Variants in PIK3C2B observed in about 807,000 individuals in gnomAD.
The protein encoded by PIK3C2B is phosphatidylinositol 4-phosphate 3-kinase C2 domain-containing subunit beta.
In PIK3C2B, 83 loss-of-function variants were observed where a neutral mutation model predicts 184.3. That is an observed-to-expected ratio of 0.45 (90% CI 0.38 to 0.54). PIK3C2B has a LOEUF of 0.54. Among genes scored for constraint, PIK3C2B ranks in the 20% least tolerant of loss-of-function variants. PIK3C2B has a pLI of 0.00. For synonymous variants in PIK3C2B, 779 were observed against 837.6 expected (o/e 0.93, Z 1.21); for missense variants, 1,736 against 2,113.5 (o/e 0.82, Z 3.50).
chr1:204,480,786 G>A (rs922357194), intron 1 of PIK3C2B, among the ~76,000 whole-genome samples: 11 of 151,944 alleles, frequency 7.2e-5, no homozygotes, highest in African/African-American at 2.7e-4. Context: ...ATGGGAACCG[G>A]CTAAGGCGCC....
chr1:204,433,831 G>A lies in PIK3C2B; in HGVS notation c.3805C>T (p.Arg1269Cys), dbSNP rs777242962. Reference sequence around the variant, plus strand: ...TTGAGGAAGAGGTGGGTGTGCTTGCGAATGAGGTTGTAGGCTTGGCAGCAA... The same window carrying A: ...TTGAGGAAGAGGTGGGTGTGCTTGCAAATGAGGTTGTAGGCTTGGCAGCAA... ...DLCCQAYNLI[R>C]KHTHLFLNLL... The change falls in exon 25 of 33, where the codon CGC (arginine) becomes TGC (cysteine). Residue 1269 changes from arginine (R) to cysteine (C), a missense_variant. This residue lies in a region of PIK3C2B where 119 missense variants were observed against 179.3 expected (regional missense o/e 0.66). Coordinates refer to ENST00000684373, the MANE Select transcript of PIK3C2B (RefSeq NM_001377334.1). The surrounding 1 kb of genome is among the most constrained non-coding windows in gnomAD (Gnocchi z 5.0). 3.1e-6 allele frequency: 5 copies of A among 1,614,070 alleles called. No homozygotes were observed. The highest frequency in any genetic ancestry group is 3.4e-6 in the Non-Finnish European group (4 of 1,180,018).
At chr1:204,467,190 G>A (rs780978518) in intron 2 of PIK3C2B, 1 of 305,216 alleles carries the variant, frequency 3.3e-6, no homozygotes. Flanking sequence ...AGTGACAGAG[G>A]TGACCACCTA....
At chr1:204,481,071 C>T (rs987880340) in intron 1 of PIK3C2B, among the ~76,000 whole-genome samples, 3 of 151,828 alleles carry the variant, frequency 2.0e-5, no homozygotes, top group African/African-American at 7.3e-5. Flanking sequence ...ATACTTTTCC[C>T]CCTGCACCCC....
chr1:204,425,189 G>A (rs1312911109), intron 32 of PIK3C2B, 149 bp from the exon 33 acceptor site: 1 of 635,834 alleles, frequency 1.6e-6, no homozygotes, highest in East Asian at 2.7e-5. Flanking sequence ...AATACAGAAG[G>A]CACACAAGGT....
In PIK3C2B at chr1:204,440,310, G is replaced by T. The variant is rs1455657054; in HGVS notation, c.3261C>A (p.Asp1087Glu). ...GCAGCGTTAGCATGTCCTGGCGAAG[G>T]TCGTCCCCACACTGGATGGAGGGAG... ...NIRVIFKCGD[D>E]LRQDMLTLQM... The change falls in exon 22 of 33, where the codon GAC becomes GAA. Residue 1087 changes from aspartate to glutamate, a missense_variant. Coordinates refer to ENST00000684373, the MANE Select transcript of PIK3C2B (RefSeq NM_001377334.1). 6.3e-7 allele frequency: 1 copy of T among 1,597,718 alleles called. No individual in the cohort carries two copies. Among genetic ancestry groups the T allele is most frequent in the Non-Finnish European group, 8.5e-7 (1 of 1,171,280 alleles).
intron 5 of PIK3C2B, among the ~76,000 whole-genome samples, chr1:204,461,902 C>A (rs1435545028): frequency 6.6e-6 from 1 of 152,104 alleles, no homozygotes; most frequent in Non-Finnish European, 1.5e-5. Context: ...TCCTGCCAGG[C>A]AGGGGTAGAA....
At chr1:204,470,570 T>C (rs1348592719) in intron 1 of PIK3C2B, among the ~76,000 whole-genome samples, 1 of 152,230 alleles carries the variant, frequency 6.6e-6, no homozygotes, top group Non-Finnish European at 1.5e-5. Context: ...GAATGTAAAA[T>C]GGTACAACCA....
intron 1 of PIK3C2B, among the ~76,000 whole-genome samples, chr1:204,494,137 G>C (rs759620354): frequency 6.6e-6 from 1 of 152,128 alleles, no homozygotes; most frequent in South Asian, 2.1e-4. Context: ...GAGTGGAGTG[G>C]AGTGGGGTGA....
At chr1:204,442,725 C>T (rs958451507) in intron 19 of PIK3C2B, 92 bp from the exon 20 acceptor site, 10 of 847,254 alleles carry the variant, frequency 1.2e-5, no homozygotes, top group African/African-American at 5.0e-5. Context: ...CCGTAGTAGT[C>T]GGTATGAAAA....
intron 6 of PIK3C2B, 28 bp from the exon 7 acceptor site, chr1:204,460,431 G>C (rs375867569): frequency 4.0e-5 from 63 of 1,593,276 alleles, no homozygotes; most frequent in Non-Finnish European, 5.1e-5. Context: ...TATTCAGAGA[G>C]GGGCGGTGCC....
At chr1:204,487,097 G>A (rs1337897493) in intron 1 of PIK3C2B, among the ~76,000 whole-genome samples, 1 of 151,954 alleles carries the variant, frequency 6.6e-6, no homozygotes, top group Non-Finnish European at 1.5e-5. Context: ...GAGCCACTGC[G>A]CCCAGCCTCT....
intron 15 of PIK3C2B, among the ~76,000 whole-genome samples, chr1:204,446,724 C>T (rs1391898023): frequency 2.0e-5 from 3 of 152,068 alleles, no homozygotes; most frequent in Non-Finnish European, 2.9e-5. Flanking sequence ...GAAGTGTAGT[C>T]GGCAGAGTGG....
In PIK3C2B at chr1:204,469,640, G is replaced by C. The variant is rs2103516593; in HGVS notation, c.163C>G (p.Pro55Ala). The change falls in exon 2 of 33, where the codon CCC becomes GCC. Residue 55 changes from proline to alanine, a missense_variant. Transcript: ENST00000684373. The part of the protein sequence containing the change: ...EENRAKQNAD[P>A]SLISWDEPGV... ...GGCTCATCCCAGCTGATGAGAGAGG[G>C]GTCTGCGTTCTGCTTGGCTCTGTTC... The C allele has an allele frequency of 6.2e-7, 1 of 1,613,288 alleles. No individual in the cohort carries two copies. Among genetic ancestry groups the C allele is most frequent in the East Asian group, 2.2e-5 (1 of 44,858 alleles).
intron 1 of PIK3C2B, 38 bp downstream of exon 1, chr1:204,494,318 C>G (rs1340331421): frequency 1.3e-5 from 2 of 152,438 alleles, no homozygotes; most frequent in Non-Finnish European, 2.9e-5. Flanking sequence ...ACTTTACAGA[C>G]GCTGGGGCCG....
At chr1:204,482,611 C>A (rs1227114763) in intron 1 of PIK3C2B, among the ~76,000 whole-genome samples, 1 of 151,960 alleles carries the variant, frequency 6.6e-6, no homozygotes, top group Non-Finnish European at 1.5e-5. Flanking sequence ...ATGGTGAAAC[C>A]CCGTCTCCAC....
rs769589437 is a variant in PIK3C2B at position 204,425,585 on chromosome 1, G to T, written c.4716+28C>A. 6.2e-6 allele frequency: 10 copies of T among 1,612,914 alleles called. No homozygotes were observed. The Admixed American group carries it at 1.7e-4, about 27-fold the overall frequency. On this transcript the variant is annotated intron_variant, in intron 32 of 32. Coordinates refer to ENST00000684373, the MANE Select transcript of PIK3C2B (RefSeq NM_001377334.1). The stretch of plus-strand genomic sequence containing the variant: ...GAACAGGCGCAGGTTGCCAACCCCT[G>T]CCCTACCCCACCATTTTCCCCACCC...
chr1:204,470,256 C>T (rs1182904004), intron 1 of PIK3C2B, among the ~76,000 whole-genome samples: 1 of 151,890 alleles, frequency 6.6e-6, no homozygotes, highest in Non-Finnish European at 1.5e-5. Flanking sequence ...CAACCTCCAC[C>T]TCCCAGGTTC....
At chr1:204,474,837 C>T in intron 1 of PIK3C2B, among the ~76,000 whole-genome samples, 1 of 152,116 alleles carries the variant, frequency 6.6e-6, no homozygotes, top group East Asian at 1.9e-4. Flanking sequence ...TCTTTCCTCC[C>T]CACAATCTGC....
intron 12 of PIK3C2B, among the ~76,000 whole-genome samples, chr1:204,452,388 CCACCT>C (rs1176208562): frequency 1.4e-5 from 2 of 138,952 alleles, no homozygotes; most frequent in Non-Finnish European, 3.0e-5. Flanking sequence ...AGTGATTCTC[CCACCT>C]CAGCCTCCTA....
Sources: allele counts gnomAD v4.1 joint callset (sites outside exome capture counted in the v4.1 genomes callset), GRCh38; gene constraint gnomAD v4.1.1; regional missense constraint gnomAD v4.1.1; non-coding constraint Gnocchi (gnomAD v3.1); transcripts MANE v1.5; gene names NCBI Gene and HGNC (gene_info 2026-07-23, HGNC 2026-07-21).